GULP1: variants seen among roughly 807,000 people sequenced by gnomAD.
GULP1 encodes GULP PTB domain containing engulfment adaptor 1.
GULP1 carries 19 observed loss-of-function variants against 40.9 expected under a neutral mutation model. The ratio of observed to expected loss-of-function variants is 0.46; its 90% confidence interval spans 0.32 to 0.68. The LOEUF is 0.68. Ranked by LOEUF, GULP1 falls within the 30% of genes least tolerant of loss-of-function variation. The probability of loss-of-function intolerance (pLI) is 0.03; values close to 1 mark genes in which losing one functional copy is unlikely to be tolerated. For missense variants in GULP1, 312 were observed against 362.2 expected, an observed-to-expected ratio of 0.86 and a Z score of 1.12; for synonymous variants, 119 against 117.6, an observed-to-expected ratio of 1.01 and a Z score of -0.08.
chr2:188,507,136 C>T (rs1396382367), intron 4 of GULP1, among the ~76,000 whole-genome samples: 1 of 151,860 alleles, frequency 6.6e-6, no homozygotes, highest in African/African-American at 2.4e-5. Flanking sequence ...TAACTGAGGC[C>T]CCTCCAGCTC....
Position 188,463,657 on chromosome 2 carries a change from C to G in GULP1, c.-44-14002C>G, listed in dbSNP as rs530349969. 3.7e-4 allele frequency among the ~76,000 whole-genome samples: 57 copies of G among 152,174 alleles called. No individual in the cohort carries two copies. In the South Asian group the frequency reaches 8.9e-3, roughly 24 times the overall value. ...CTTAGATTTGCCCTGTTGCGGCTTT[C>G]TAGATGCTGTCCATGCACTTCATTG... On this transcript the variant is annotated intron_variant, in intron 2 of 11. Coordinates refer to ENST00000409830, the MANE Select transcript of GULP1 (RefSeq NM_016315.4).
chr2:188,416,263 C>T (rs2054566667), intron 2 of GULP1, among the ~76,000 whole-genome samples: 1 of 151,094 alleles, frequency 6.6e-6, no homozygotes, highest in East Asian at 1.9e-4. Flanking sequence ...TTTGTTTTTC[C>T]TTTGGGGTGG....
At chr2:188,449,917 A>G (rs1191484647) in intron 2 of GULP1, among the ~76,000 whole-genome samples, 1 of 152,198 alleles carries the variant, frequency 6.6e-6, no homozygotes, top group Non-Finnish European at 1.5e-5. Context: ...TTGGATATTT[A>G]GAAAACTGTT....
At chr2:188,443,604 C>T (rs1379735494) in intron 2 of GULP1, among the ~76,000 whole-genome samples, 1 of 151,932 alleles carries the variant, frequency 6.6e-6, no homozygotes, top group Non-Finnish European at 1.5e-5. Context: ...ATTTAGATTA[C>T]AAACCTGTAT....
At position 188,453,447 on chromosome 2, in the gene GULP1, C is replaced by T. The variant is rs183766368; in HGVS notation, c.-44-24212C>T. ...CTTCATAGTAACTCATTATATGTGC[C>T]CTCTTGTAGGACCTGGGCTTGATAT... On this transcript the variant is annotated intron_variant, in intron 2 of 11. Coordinates refer to ENST00000409830, the MANE Select transcript of GULP1 (RefSeq NM_016315.4). Among the ~76,000 whole-genome samples, 294 of 152,054 alleles carry T rather than the reference C, an allele frequency of 1.9e-3. 2 individuals are homozygous for T. The highest frequency in any genetic ancestry group is 6.8e-3 in the Middle Eastern group (2 of 294).
At chr2:188,587,807 A>G in intron 10 of GULP1, 48 bp from the exon 11 acceptor site, 3 of 987,624 alleles carry the variant, frequency 3.0e-6, no homozygotes. Context: ...AACTAACTCC[A>G]GCTCACTTCT....
intron 2 of GULP1, among the ~76,000 whole-genome samples, chr2:188,401,501 A>C (rs760603378): frequency 2.6e-5 from 4 of 152,136 alleles, no homozygotes; most frequent in Non-Finnish European, 4.4e-5. Flanking sequence ...TTGTTAGCAC[A>C]TATAATGTAC....
intron 7 of GULP1, among the ~76,000 whole-genome samples, chr2:188,565,877 C>T (rs1054915738): frequency 5.3e-5 from 8 of 152,082 alleles, no homozygotes; most frequent in Non-Finnish European, 1.0e-4. Context: ...AAGTACAACA[C>T]GTATGAAACT....
At chr2:188,374,983 A>G (rs1381155349) in intron 1 of GULP1, among the ~76,000 whole-genome samples, 1 of 152,216 alleles carries the variant, frequency 6.6e-6, no homozygotes, top group Non-Finnish European at 1.5e-5. Flanking sequence ...ATAAAGAACA[A>G]TCACAAAACA....
chr2:188,587,016 T>C (rs72898830), intron 10 of GULP1, among the ~76,000 whole-genome samples: 1,806 of 152,164 alleles, frequency 0.012, 14 homozygotes, highest in Non-Finnish European at 0.019. Flanking sequence ...GGTATGAATA[T>C]GTTATAAATA....
intron 7 of GULP1, among the ~76,000 whole-genome samples, chr2:188,550,242 G>A (rs1479360311): frequency 6.6e-6 from 1 of 151,502 alleles, no homozygotes; most frequent in Non-Finnish European, 1.5e-5. Context: ...GTAAATGCAG[G>A]CCAAAAAGAA....
rs371883436 is a variant in GULP1, at chr2:188,479,244, AC to A, written c.28+1516del. ...ATTCAGTGAGAATTTAGATAATGTG[AC>A]CTTTAAGGCACTCTTCAACTCTGGG... On this transcript the variant is annotated intron_variant, in intron 3 of 11. Coordinates refer to ENST00000409830, the MANE Select transcript of GULP1 (RefSeq NM_016315.4). Among the ~76,000 whole-genome samples the A allele has an allele frequency of 4.3e-4, 66 of 152,142 alleles. 3 individuals are homozygous for A. The South Asian group carries it at 0.013, about 31-fold the overall frequency.
At chr2:188,559,154 C>A (rs532927874) in intron 7 of GULP1, among the ~76,000 whole-genome samples, 1 of 152,194 alleles carries the variant, frequency 6.6e-6, no homozygotes, top group Non-Finnish European at 1.5e-5. Flanking sequence ...TCACAGGCCC[C>A]GAGGCCTAGG....
At chr2:188,410,607 C>G (rs1055247634) in intron 2 of GULP1, among the ~76,000 whole-genome samples, 4 of 152,194 alleles carry the variant, frequency 2.6e-5, no homozygotes, top group Admixed American at 2.6e-4. Flanking sequence ...TTCCTCATGA[C>G]TAATCATGAG....
intron 1 of GULP1, among the ~76,000 whole-genome samples, chr2:188,349,598 T>C (rs1336948803): frequency 6.6e-6 from 1 of 152,200 alleles, no homozygotes; most frequent in African/African-American, 2.4e-5. Flanking sequence ...TGTCTTTTTA[T>C]TGTTGAGTTG....
intron 10 of GULP1, among the ~76,000 whole-genome samples, chr2:188,586,419 G>A (rs938786539): frequency 2.0e-5 from 3 of 152,094 alleles, no homozygotes; most frequent in Non-Finnish European, 4.4e-5. Context: ...ACATTATTCA[G>A]TATGCTTATG....
intron 6 of GULP1, among the ~76,000 whole-genome samples, chr2:188,537,564 T>C (rs899304967): frequency 6.6e-6 from 1 of 152,162 alleles, no homozygotes; most frequent in South Asian, 2.1e-4. Context: ...AATTTTTTAA[T>C]GTACTGTGGA....
At chr2:188,399,372 T>C (rs971146830) in intron 2 of GULP1, among the ~76,000 whole-genome samples, 28 of 151,956 alleles carry the variant, frequency 1.8e-4, no homozygotes, top group Admixed American at 1.0e-3. Context: ...AATGGCTGAG[T>C]TTGAGTCATT....
chr2:188,442,881 C>A (rs1238880299), intron 2 of GULP1, among the ~76,000 whole-genome samples: 1 of 152,120 alleles, frequency 6.6e-6, no homozygotes, highest in African/African-American at 2.4e-5. Context: ...TCAGCTTCCC[C>A]ATCATAGCTT....
Sources: allele counts gnomAD v4.1 joint callset (sites outside exome capture counted in the v4.1 genomes callset), GRCh38; gene constraint gnomAD v4.1.1; transcripts MANE v1.5; gene names NCBI Gene and HGNC (gene_info 2026-07-23, HGNC 2026-07-21).